The following KDM4C variants were observed in gnomAD, a reference collection of about 807,000 sequenced individuals.
The protein encoded by KDM4C is lysine demethylase 4C.
Under a neutral mutation model 129.3 loss-of-function variants are expected in KDM4C, and 81 were observed. That is an observed-to-expected ratio of 0.63 (90% CI 0.52 to 0.75). KDM4C has a LOEUF of 0.75. Ranked by LOEUF, KDM4C falls within the 30% of genes least tolerant of loss-of-function variation. The pLI, the probability that KDM4C is intolerant of heterozygous loss-of-function variation, is 0.00. For synonymous variants in KDM4C, 573 were observed against 456.1 expected (o/e 1.26, Z -3.26); for missense variants, 1,457 against 1,304.0 (o/e 1.12, Z -1.81).
At chr9:6,734,810 C>T in intron 1 of KDM4C, 1 of 436,928 alleles carries the variant, frequency 2.3e-6, no homozygotes, top group Non-Finnish European at 4.5e-6. Flanking sequence ...ATTCCTGTTC[C>T]ATTGTTTTCT....
chr9:6,969,148 C>T (rs898666487), intron 8 of KDM4C, among the ~76,000 whole-genome samples: 15 of 152,174 alleles, frequency 9.9e-5, no homozygotes, highest in Non-Finnish European at 1.6e-4. Context: ...ATTGGCCAGG[C>T]TGGTCTCGAA....
At chr9:7,040,379 G>GTGTGTGTC (rs776207151) in intron 15 of KDM4C, among the ~76,000 whole-genome samples, 3,472 of 94,572 alleles carry the variant, frequency 0.037, 52 homozygotes, top group South Asian at 0.048. Context: ...CTGTGTGTGT[G>GTGTGTGTC]TGTGTGTGTG....
intron 19 of KDM4C, among the ~76,000 whole-genome samples, chr9:7,135,173 G>T (rs1310889973): frequency 1.3e-5 from 2 of 152,172 alleles, no homozygotes; most frequent in Non-Finnish European, 2.9e-5. Context: ...GGATCCTCTG[G>T]AGAAAGTATG....
intron 17 of KDM4C, among the ~76,000 whole-genome samples, chr9:7,062,246 G>A (rs1464078691): frequency 6.6e-6 from 1 of 152,156 alleles, no homozygotes; most frequent in Admixed American, 6.5e-5. Flanking sequence ...GGGATTACAG[G>A]TGTGAACCAC....
At chr9:7,151,483 CTGGG>C (rs1842722874) in intron 19 of KDM4C, among the ~76,000 whole-genome samples, 2 of 152,146 alleles carry the variant, frequency 1.3e-5, no homozygotes, top group East Asian at 1.9e-4. Context: ...AGCTATGTTG[CTGGG>C]CAACATAGCA....
At chr9:7,146,210 C>T (rs1298171856) in intron 19 of KDM4C, among the ~76,000 whole-genome samples, 1 of 152,138 alleles carries the variant, frequency 6.6e-6, no homozygotes, top group East Asian at 1.9e-4. Context: ...GGGAAAAATC[C>T]TCAAAGGAAA....
At chr9:6,779,219 G>A (rs1588206589) in intron 1 of KDM4C, among the ~76,000 whole-genome samples, 1 of 149,030 alleles carries the variant, frequency 6.7e-6, no homozygotes, top group South Asian at 2.1e-4. Context: ...TAGTAGAGAT[G>A]GGGTTTCACC....
At chr9:7,059,029 C>T (rs1352439078) in intron 17 of KDM4C, among the ~76,000 whole-genome samples, 1 of 152,078 alleles carries the variant, frequency 6.6e-6, no homozygotes, top group African/African-American at 2.4e-5. Flanking sequence ...TGATAATTTC[C>T]CAGTACTTAC....
At chr9:6,853,465 C>T (rs962912320) in intron 5 of KDM4C, among the ~76,000 whole-genome samples, 26 of 152,092 alleles carry the variant, frequency 1.7e-4, no homozygotes, top group Non-Finnish European at 2.9e-4. Flanking sequence ...TGCATTCCAG[C>T]CTGGACAACG....
At chr9:6,921,443 C>G (rs1017473202) in intron 8 of KDM4C, among the ~76,000 whole-genome samples, 1 of 152,192 alleles carries the variant, frequency 6.6e-6, no homozygotes, top group South Asian at 2.1e-4. Flanking sequence ...AGGCCAAACA[C>G]TCTGGGAGTC....
intron 18 of KDM4C, among the ~76,000 whole-genome samples, chr9:7,109,192 A>G (rs1011011644): frequency 1.3e-5 from 2 of 152,156 alleles, no homozygotes; most frequent in Non-Finnish European, 2.9e-5. Context: ...GAAACTAAAG[A>G]TATATTTTTG....
At chr9:7,149,271 G>A (rs1419233773) in intron 19 of KDM4C, among the ~76,000 whole-genome samples, 3 of 152,364 alleles carry the variant, frequency 2.0e-5, no homozygotes, top group South Asian at 2.1e-4. Context: ...TACAGTGCCT[G>A]GGCTCAGCTA....
chr9:7,019,728 T>A (rs1437660990), intron 15 of KDM4C, among the ~76,000 whole-genome samples: 8 of 114,484 alleles, frequency 7.0e-5, no homozygotes, highest in Admixed American at 3.9e-4. Context: ...TATAATATTT[T>A]TATATATAAA....
At chr9:7,137,236 A>C (rs1379040322) in intron 19 of KDM4C, among the ~76,000 whole-genome samples, 1 of 152,242 alleles carries the variant, frequency 6.6e-6, no homozygotes, top group Non-Finnish European at 1.5e-5. Flanking sequence ...AAATGTCTCC[A>C]GTGGCCTTGG....
intron 2 of KDM4C, among the ~76,000 whole-genome samples, chr9:6,797,066 C>T (rs1211354851): frequency 6.6e-6 from 1 of 151,690 alleles, no homozygotes; most frequent in Non-Finnish European, 1.5e-5. Flanking sequence ...GCAGCCTTGA[C>T]CTCCCAGGCT....
chr9:6,750,862 C>T (rs1588066199), intron 1 of KDM4C, among the ~76,000 whole-genome samples: 1 of 152,242 alleles, frequency 6.6e-6, no homozygotes, highest in African/African-American at 2.4e-5. Context: ...GCTGGTTTTG[C>T]CTGGGCTTGC....
At chr9:6,827,626 G>A (rs536334357) in intron 4 of KDM4C, among the ~76,000 whole-genome samples, 23 of 152,330 alleles carry the variant, frequency 1.5e-4, no homozygotes, top group South Asian at 1.2e-3. Context: ...GAGTCACCAG[G>A]AGAGTTCCTT....
chr9:6,988,879 C>T (rs1818225110), intron 11 of KDM4C, among the ~76,000 whole-genome samples: 1 of 151,994 alleles, frequency 6.6e-6, no homozygotes, highest in Non-Finnish European at 1.5e-5. Flanking sequence ...ATAAAACTGC[C>T]CCCTCCCCAT....
chr9:6,804,107 G>C (rs937043752), intron 2 of KDM4C, among the ~76,000 whole-genome samples: 1 of 152,222 alleles, frequency 6.6e-6, no homozygotes, highest in African/African-American at 2.4e-5. Flanking sequence ...ACAGGTGTGA[G>C]CCACTACGGC....
Sources: allele counts gnomAD v4.1 joint callset (sites outside exome capture counted in the v4.1 genomes callset), GRCh38; gene constraint gnomAD v4.1.1; transcripts MANE v1.5; gene names NCBI Gene and HGNC (gene_info 2026-07-23, HGNC 2026-07-21).